The following RBFOX1 variants were observed in gnomAD, a reference collection of about 807,000 sequenced individuals.
RBFOX1 encodes RNA binding fox-1 homolog 1, also known as RNA binding protein fox-1 homolog 1.
Under a neutral mutation model 57.7 loss-of-function variants are expected in RBFOX1, and 8 were observed. That is an observed-to-expected ratio of 0.14 (90% confidence interval 0.08 to 0.25). The LOEUF (loss-of-function observed/expected upper bound fraction) is 0.25, where lower values mean the gene tolerates loss of function less well. RBFOX1 is among the 10% of genes least tolerant of loss of function. The pLI is 1.00. For synonymous variants in RBFOX1, 326 were observed against 222.4 expected, an observed-to-expected ratio of 1.47 and a Z score of -4.15; for missense variants, 611 against 548.5, an observed-to-expected ratio of 1.11 and a Z score of -1.14.
At chr16:6,746,603 G>C (rs1352269029) in intron 3 of RBFOX1, among the ~76,000 whole-genome samples, 6 of 151,922 alleles carry the variant, frequency 3.9e-5, no homozygotes, top group African/African-American at 1.5e-4. Context: ...ACCTGAACCT[G>C]GGAAGTTGAG....
At chr16:7,426,855 G>A (rs573302446) in intron 4 of RBFOX1, among the ~76,000 whole-genome samples, 3 of 152,150 alleles carry the variant, frequency 2.0e-5, no homozygotes, top group Non-Finnish European at 4.4e-5. Flanking sequence ...TCATACATGA[G>A]GGTGCATCAG....
At chr16:6,537,623 A>C (rs1599198034) in intron 2 of RBFOX1, among the ~76,000 whole-genome samples, 1 of 152,292 alleles carries the variant, frequency 6.6e-6, no homozygotes, top group East Asian at 1.9e-4. Context: ...GTTGCCCTGA[A>C]ATGCAGTTTA....
At chr16:5,671,869 A>G (rs1392160601) in intron 3 of RBFOX1, among the ~76,000 whole-genome samples, 3 of 152,170 alleles carry the variant, frequency 2.0e-5, no homozygotes, top group Non-Finnish European at 4.4e-5. Flanking sequence ...GGGTTGAAGG[A>G]TGCCACCTAT....
intron 2 of RBFOX1, among the ~76,000 whole-genome samples, chr16:6,541,278 G>C (rs1376886683): frequency 6.6e-6 from 1 of 152,188 alleles, no homozygotes. Flanking sequence ...TTGACATGAA[G>C]ATATTCAACC....
At chr16:6,438,134 G>A (rs1363587244) in intron 2 of RBFOX1, among the ~76,000 whole-genome samples, 1 of 152,070 alleles carries the variant, frequency 6.6e-6, no homozygotes, top group Non-Finnish European at 1.5e-5. Flanking sequence ...TGTCCATATC[G>A]GTGTCTTTTG....
intron 4 of RBFOX1, among the ~76,000 whole-genome samples, chr16:7,158,668 A>C (rs541198904): frequency 6.8e-6 from 1 of 147,700 alleles, no homozygotes; most frequent in East Asian, 2.1e-4. Context: ...GCGTGCACGC[A>C]CGTATGTGTG....
intron 3 of RBFOX1, among the ~76,000 whole-genome samples, chr16:5,711,954 G>C (rs1471402436): frequency 6.6e-6 from 1 of 152,202 alleles, no homozygotes; most frequent in African/African-American, 2.4e-5. Flanking sequence ...ATCCCAGACT[G>C]TGTAATTTAT....
chr16:5,474,063 T>C (rs531787263), intron 2 of RBFOX1, among the ~76,000 whole-genome samples: 2 of 152,042 alleles, frequency 1.3e-5, no homozygotes, highest in South Asian at 2.1e-4. Context: ...GATGAATGGG[T>C]GCATGGACAG....
chr16:5,878,594 A>G (rs1329336059), intron 4 of RBFOX1, among the ~76,000 whole-genome samples: 1 of 152,194 alleles, frequency 6.6e-6, no homozygotes, highest in Non-Finnish European at 1.5e-5. Flanking sequence ...TGTTGCTGAT[A>G]CACTTTGGAG....
At chr16:6,419,745 G>A (rs118063863) in intron 2 of RBFOX1, among the ~76,000 whole-genome samples, 5 of 152,132 alleles carry the variant, frequency 3.3e-5, no homozygotes, top group East Asian at 1.9e-4. Context: ...TCTTTTACAC[G>A]CAGCACACAC....
intron 10 of RBFOX1, among the ~76,000 whole-genome samples, chr16:7,608,848 G>A (rs372240179): frequency 6.6e-5 from 10 of 152,204 alleles, no homozygotes; most frequent in African/African-American, 1.9e-4. Flanking sequence ...TACCAGGAAG[G>A]CAAAGTTAGC....
chr16:5,798,237 T>G (rs920942807), intron 3 of RBFOX1, among the ~76,000 whole-genome samples: 1 of 152,234 alleles, frequency 6.6e-6, no homozygotes, highest in Non-Finnish European at 1.5e-5. Context: ...TTTATGAGTA[T>G]TATTGTCATT....
intron 4 of RBFOX1, among the ~76,000 whole-genome samples, chr16:7,490,293 C>A (rs1228597574): frequency 6.6e-6 from 1 of 152,218 alleles, no homozygotes; most frequent in Non-Finnish European, 1.5e-5. Flanking sequence ...TGTGCAGTTT[C>A]TGATCTTGGA....
intron 2 of RBFOX1, among the ~76,000 whole-genome samples, chr16:6,450,811 ATATATACATATATATATATATATATG>A (rs1597414344): frequency 4.1e-5 from 1 of 24,104 alleles, no homozygotes; most frequent in Non-Finnish European, 6.4e-5. Context: ...GTATATATAT[ATATATACATATATATATATATATATG>A]TGTATATATA....
chr16:7,070,143 G>A (rs1242784804), intron 4 of RBFOX1, among the ~76,000 whole-genome samples: 2 of 152,162 alleles, frequency 1.3e-5, no homozygotes, highest in Non-Finnish European at 2.9e-5. Context: ...TGCTCATGGT[G>A]CATTTCCCAA....
At chr16:6,163,340 T>C (rs935973674) in intron 1 of RBFOX1, among the ~76,000 whole-genome samples, 4 of 152,120 alleles carry the variant, frequency 2.6e-5, no homozygotes, top group African/African-American at 9.7e-5. Flanking sequence ...ATGAACAGCT[T>C]TTGGGAGCAT....
chr16:7,334,678 G>T (rs1254944909), intron 4 of RBFOX1, among the ~76,000 whole-genome samples: 1 of 152,124 alleles, frequency 6.6e-6, no homozygotes, highest in Non-Finnish European at 1.5e-5. Context: ...AATAACTATC[G>T]ATTTGTTGGA....
intron 10 of RBFOX1, among the ~76,000 whole-genome samples, chr16:7,608,856 A>C (rs2056867429): frequency 6.6e-6 from 1 of 152,252 alleles, no homozygotes; most frequent in African/African-American, 2.4e-5. Flanking sequence ...AGGCAAAGTT[A>C]GCTGCATATT....
intron 1 of RBFOX1, among the ~76,000 whole-genome samples, chr16:6,273,638 G>C (rs2075478414): frequency 6.6e-6 from 1 of 152,000 alleles, no homozygotes. Flanking sequence ...GAGCCACCAT[G>C]CTTGGCCTAG....
Sources: allele counts gnomAD v4.1 joint callset (sites outside exome capture counted in the v4.1 genomes callset), GRCh38; gene constraint gnomAD v4.1.1; transcripts MANE v1.5; gene names NCBI Gene and HGNC (gene_info 2026-07-23, HGNC 2026-07-21).